The following CLN6 variants were observed in gnomAD, a reference collection of about 807,000 sequenced individuals.
CLN6 encodes CLN6 transmembrane ER protein.
Under a neutral mutation model 33.3 loss-of-function variants are expected in CLN6, and 22 were observed. That is an observed-to-expected ratio of 0.66 (90% CI 0.47 to 0.94). The LOEUF is 0.94. Ranked by LOEUF, CLN6 falls within the 40% of genes least tolerant of loss-of-function variation. The probability of loss-of-function intolerance (pLI) is 0.00; values close to 1 mark genes in which losing one functional copy is unlikely to be tolerated. For missense variants in CLN6, 387 were observed against 417.1 expected, an observed-to-expected ratio of 0.93 and a Z score of 0.63; for synonymous variants, 201 against 174.6, an observed-to-expected ratio of 1.15 and a Z score of -1.19.
At chr15:68,214,464 CT>C (rs940550861) in intron 2 of CLN6, 76 bp from the exon 3 acceptor site, 11 of 986,194 alleles carry the variant, frequency 1.1e-5, no homozygotes, top group Admixed American at 5.4e-5. Context: ...GAGTCTGCCC[CT>C]AATGCCGCCC....
intron 1 of CLN6, among the ~76,000 whole-genome samples, chr15:68,238,196 G>C (rs1892244703): frequency 1.3e-5 from 2 of 151,634 alleles, no homozygotes; most frequent in African/African-American, 4.8e-5. Flanking sequence ...ACGAGGTCAG[G>C]AGATTGAGAC....
At chr15:68,231,076 A>G (rs563227648), upstream of CLN6, among the ~76,000 whole-genome samples, 2 of 152,150 alleles carry the variant, frequency 1.3e-5, no homozygotes, top group South Asian at 4.1e-4. Flanking sequence ...AGCTATGCCT[A>G]TTTCCATTCT....
chr15:68,229,452 C>T, intron 1 of CLN6, 50 bp downstream of exon 1: 2 of 1,359,656 alleles, frequency 1.5e-6, no homozygotes, highest in African/African-American at 1.5e-5. Context: ...GGTCCCGAGG[C>T]CCCAGCGCAC....
chr15:68,211,868 G>T lies in CLN6; in HGVS notation c.298-5C>A. The T allele has an allele frequency of 6.2e-7, 1 of 1,613,120 alleles. No homozygotes were observed. The highest frequency in any genetic ancestry group is 2.2e-5 in the East Asian group (1 of 44,870). ...GCGGGGGGACCGCTCGATGAGCTGGGGTTCAGAGTGGGGTTGGCAGCATGA... is the reference window on the plus strand; with the variant it reads ...GCGGGGGGACCGCTCGATGAGCTGGTGTTCAGAGTGGGGTTGGCAGCATGA... On this transcript the variant is annotated splice_polypyrimidine_tract_variant and splice_region_variant and intron_variant, in intron 3 of 6. Coordinates refer to ENST00000249806, the MANE Select transcript of CLN6 (RefSeq NM_017882.3). This position sits in a 1 kb window ranked among gnomAD's most constrained non-coding sequence, Gnocchi z 5.9.
At chr15:68,231,899 A>C (rs1035031375), upstream of CLN6, among the ~76,000 whole-genome samples, 3 of 152,164 alleles carry the variant, frequency 2.0e-5, no homozygotes, top group Non-Finnish European at 4.4e-5. Flanking sequence ...TTAGCTCTTT[A>C]AATTGCATGG....
chr15:68,256,694 T>TA lies in CLN6; in HGVS notation c.174dup (p.Lys59Ter). 1.5e-6 allele frequency: 1 copy of TA among 668,820 alleles called. No homozygotes were observed. Among genetic ancestry groups the TA allele is most frequent in the Non-Finnish European group, 2.7e-6 (1 of 367,186 alleles). The allele number at this position is 668,820 out of a possible 1,614,324, so 41.4% of individuals were successfully genotyped here. On this transcript the variant is annotated frameshift_variant, in exon 1 of 7. Transcript: ENST00000538696. The surrounding 1 kb of genome is among the most constrained non-coding windows in gnomAD (Gnocchi z 4.1). ...TCTCATTGCCTTGAAACTTACTTTTTACCTTTGAATTTGAGTTTTCTCAGC... is the reference window on the plus strand; with the variant it reads ...TCTCATTGCCTTGAAACTTACTTTTTAACCTTTGAATTTGAGTTTTCTCAGC...
At chr15:68,218,470 G>A (rs997114987) in intron 2 of CLN6, 66 bp downstream of exon 2, 2 of 1,178,554 alleles carry the variant, frequency 1.7e-6, no homozygotes, top group Non-Finnish European at 2.5e-6. Flanking sequence ...AGGTCACTCG[G>A]CAAATTCAAG....
intron 1 of CLN6, among the ~76,000 whole-genome samples, chr15:68,255,462 G>C (rs1356896334): frequency 6.6e-6 from 1 of 152,106 alleles, no homozygotes; most frequent in Admixed American, 6.5e-5. Flanking sequence ...TGAAAGTCAG[G>C]GTCAGCTCAT....
chr15:68,222,461 T>C, intron 1 of CLN6, among the ~76,000 whole-genome samples: 1 of 147,082 alleles, frequency 6.8e-6, no homozygotes, highest in African/African-American at 2.6e-5. Context: ...GTCTGGGAGG[T>C]GAGGAGCGCC....
In CLN6 at chr15:68,209,525, A is replaced by T; in HGVS notation, c.665+112T>A. On this transcript the variant is annotated intron_variant, in intron 6 of 6. Transcript: ENST00000249806. The surrounding 1 kb of genome is among the most constrained non-coding windows in gnomAD (Gnocchi z 4.9). Reference sequence around the variant, plus strand: ...GACACAAGAAGAAGCACGGGCCCAAAGAGGGCCAGTCTCCCTGGGGCCACA... The same window carrying T: ...GACACAAGAAGAAGCACGGGCCCAATGAGGGCCAGTCTCCCTGGGGCCACA... 1 of 1,444,142 alleles carries T rather than the reference A, an allele frequency of 6.9e-7. No individual in the cohort carries two copies. Among genetic ancestry groups the T allele is most frequent in the Non-Finnish European group, 9.6e-7 (1 of 1,041,760 alleles). 89.5% of individuals were successfully genotyped at this position (1,444,142 alleles called of 1,614,324 possible). A position where few individuals can be genotyped will look rare whatever the true frequency, so the allele number is the denominator to read the frequency against.
rs1318360368 is a variant in CLN6, at chr15:68,217,280, G to A, written c.198+1256C>T. On this transcript the variant is annotated intron_variant, in intron 2 of 6. Transcript: ENST00000249806. ...AGGGTCTCACTGTGTTGCCCAGGCT[G>A]GAGTGCAGCGGTGTGATCACGGCTC... 2.0e-5 allele frequency among the ~76,000 whole-genome samples: 3 copies of A among 152,326 alleles called. No individual in the cohort carries two copies. In the East Asian group the frequency reaches 5.8e-4, roughly 29 times the overall value.
intron 1 of CLN6, among the ~76,000 whole-genome samples, chr15:68,224,136 C>T (rs1567099942): frequency 1.3e-5 from 2 of 151,692 alleles, no homozygotes; most frequent in African/African-American, 2.4e-5. Context: ...TATGGTGGCA[C>T]ACATCTGTAG....
At position 68,214,394 on chromosome 15, in the gene CLN6, G is replaced by C. The variant is rs1367459781; in HGVS notation, c.199-6C>G. 5 of 1,610,070 alleles carry C rather than the reference G, an allele frequency of 3.1e-6. No homozygotes were observed. In the African/African-American group the frequency reaches 6.7e-5, roughly 22 times the overall value. ...CACTCGAGAGGGAATACCAGCTGCG[G>C]AGCAAATGGAAGAATGGGCTCACCT... On this transcript the variant is annotated splice_polypyrimidine_tract_variant and splice_region_variant and intron_variant, in intron 2 of 6. Coordinates refer to ENST00000249806, the MANE Select transcript of CLN6 (RefSeq NM_017882.3).
In CLN6 at chr15:68,208,005, C is replaced by T; in HGVS notation, c.*135G>A. The T allele has an allele frequency of 1.1e-6, 1 of 870,958 alleles. No homozygotes were observed. The highest frequency in any genetic ancestry group is 1.5e-5 in the South Asian group (1 of 64,606). 54.0% of individuals were successfully genotyped at this position (870,958 alleles called of 1,614,324 possible). On this transcript the variant is annotated 3_prime_UTR_variant, in exon 7 of 7. Coordinates refer to ENST00000249806, the MANE Select transcript of CLN6 (RefSeq NM_017882.3). The surrounding 1 kb of genome is among the most constrained non-coding windows in gnomAD (Gnocchi z 5.8). ...ACACACACACACACACACACGAATC[C>T]ACGCACACGAGGCACACCCCACTCA...
chr15:68,226,562 G>A (rs2093252628), intron 1 of CLN6, among the ~76,000 whole-genome samples: 1 of 151,988 alleles, frequency 6.6e-6, no homozygotes, highest in East Asian at 1.9e-4. Flanking sequence ...CGCCTCCTGA[G>A]TTCAAGTAAT....
chr15:68,217,633 G>C (rs1483214235), intron 2 of CLN6, among the ~76,000 whole-genome samples: 2 of 152,088 alleles, frequency 1.3e-5, no homozygotes, highest in South Asian at 4.1e-4. Flanking sequence ...AGTGACCTTC[G>C]AAAAGTCACT....
intron 1 of CLN6, among the ~76,000 whole-genome samples, chr15:68,250,244 A>G (rs900015319): frequency 1.3e-5 from 2 of 152,178 alleles, no homozygotes; most frequent in Admixed American, 1.3e-4. Flanking sequence ...TCAATGAAAA[A>G]TAAAAAAATT....
At chr15:68,240,973 G>A (rs2141162217) in intron 1 of CLN6, among the ~76,000 whole-genome samples, 1 of 144,904 alleles carries the variant, frequency 6.9e-6, no homozygotes, top group South Asian at 2.2e-4. Flanking sequence ...GACAGAAGGA[G>A]CCTCCATCTC....
rs140319056 is a variant in CLN6 at position 68,208,278 on chromosome 15, G to A, written c.798C>T (p.Phe266=). The A allele has an allele frequency of 2.0e-5, 32 of 1,614,174 alleles. No individual in the cohort carries two copies. In the African/African-American group the frequency reaches 2.3e-4, roughly 11 times the overall value. ...DSNGLFLFSS[F]ALTLLLVALW... ...GCGCCACAAGCAAGAGGGTCAGTGC[G>A]AAGGAGGAGAAGAGGAAGAGGCCGT... Residue 266 remains phenylalanine (F), a synonymous_variant, in exon 7 of 7, where the codon TTC becomes TTT. Transcript: ENST00000249806. This position sits in a 1 kb window ranked among gnomAD's most constrained non-coding sequence, Gnocchi z 5.8.
Sources: gnomAD v4.1 joint callset for allele counts (sites outside exome capture counted in the v4.1 genomes callset) on GRCh38, gnomAD v4.1.1 for gene constraint, Gnocchi (gnomAD v3.1) non-coding constraint, MANE v1.5 for transcripts, NCBI Gene and HGNC (gene_info 2026-07-23, HGNC 2026-07-21) for gene names.